The following PLD1 variants were observed in gnomAD, a reference collection of about 807,000 sequenced individuals.
PLD1 encodes the protein phospholipase D1.
PLD1 carries 112 observed loss-of-function variants against 137.1 expected under a neutral mutation model. That is an observed-to-expected ratio of 0.82 (90% confidence interval 0.70 to 0.96). The LOEUF (loss-of-function observed/expected upper bound fraction) is 0.96. PLD1 is among the 40% of genes least tolerant of loss of function. The probability of loss-of-function intolerance (pLI) is 0.00; values close to 1 mark genes in which losing one functional copy is unlikely to be tolerated. For missense variants in PLD1, 1,321 were observed against 1,342.0 expected, an observed-to-expected ratio of 0.98 and a Z score of 0.24; for synonymous variants, 431 against 454.7, an observed-to-expected ratio of 0.95 and a Z score of 0.66.
chr3:171,782,565 G>A (rs1027907536), intron 1 of PLD1, among the ~76,000 whole-genome samples: 11 of 152,282 alleles, frequency 7.2e-5, no homozygotes, highest in Middle Eastern at 3.4e-3. Context: ...GTGACAAGAC[G>A]TATGTTCAAG....
intron 16 of PLD1, among the ~76,000 whole-genome samples, chr3:171,679,463 T>C (rs1192286167): frequency 6.6e-6 from 1 of 152,202 alleles, no homozygotes; most frequent in Non-Finnish European, 1.5e-5. Context: ...CATAGCACTT[T>C]GTTAAAAGAA....
At chr3:171,775,861 AAATT>A (rs936977344) in intron 1 of PLD1, among the ~76,000 whole-genome samples, 9 of 152,078 alleles carry the variant, frequency 5.9e-5, no homozygotes, top group East Asian at 1.9e-4. Context: ...TAAACAAAAA[AAATT>A]AATTAATTAA....
At chr3:171,641,909 C>A (rs1735784261) in intron 23 of PLD1, among the ~76,000 whole-genome samples, 1 of 152,148 alleles carries the variant, frequency 6.6e-6, no homozygotes, top group South Asian at 2.1e-4. Context: ...TAAAACCTAG[C>A]CTTCTTAGTG....
At chr3:171,712,890 T>A (rs1348110123) in intron 9 of PLD1, among the ~76,000 whole-genome samples, 1 of 152,168 alleles carries the variant, frequency 6.6e-6, no homozygotes, top group South Asian at 2.1e-4. Flanking sequence ...TCATAGAATA[T>A]CATCAGGAAG....
chr3:171,748,350 A>T (rs1463139870), intron 1 of PLD1, among the ~76,000 whole-genome samples: 4 of 152,206 alleles, frequency 2.6e-5, no homozygotes, highest in Admixed American at 6.5e-5. Context: ...CTGTGGTCAG[A>T]CTTCTAAAAT....
chr3:171,636,917 G>A (rs544118233), intron 23 of PLD1, among the ~76,000 whole-genome samples: 107 of 152,230 alleles, frequency 7.0e-4, no homozygotes, highest in Middle Eastern at 3.4e-3. Context: ...CCATTTACAT[G>A]GCTGAGGAAG....
chr3:171,781,855 T>C (rs1031729119), intron 1 of PLD1, among the ~76,000 whole-genome samples: 1 of 152,062 alleles, frequency 6.6e-6, no homozygotes, highest in Non-Finnish European at 1.5e-5. Context: ...TATGCACCTA[T>C]CCTATGACCC....
At chr3:171,797,200 C>T (rs937377728) in intron 1 of PLD1, among the ~76,000 whole-genome samples, 10 of 152,132 alleles carry the variant, frequency 6.6e-5, no homozygotes, top group South Asian at 2.1e-4. Context: ...GCCAAGGCTT[C>T]GAAATCCTGC....
chr3:171,704,918 G>A (rs991054352), intron 11 of PLD1, among the ~76,000 whole-genome samples: 2 of 152,196 alleles, frequency 1.3e-5, no homozygotes, highest in African/African-American at 4.8e-5. Context: ...CTCTCATAAG[G>A]AGCGGGCAGC....
chr3:171,721,365 TG>T, intron 8 of PLD1: 1 of 152,360 alleles, frequency 6.6e-6, no homozygotes, highest in Non-Finnish European at 1.5e-5. Context: ...CTTTTTATTG[TG>T]GGCAGCTGTG....
intron 1 of PLD1, among the ~76,000 whole-genome samples, chr3:171,805,872 C>T (rs1285046498): frequency 6.6e-6 from 1 of 152,126 alleles, no homozygotes. Flanking sequence ...CTCAAACTGC[C>T]TCATCTATAA....
At chr3:171,622,678 A>G (rs1733738714) in intron 23 of PLD1, among the ~76,000 whole-genome samples, 2 of 150,832 alleles carry the variant, frequency 1.3e-5, no homozygotes, top group Admixed American at 1.3e-4. Context: ...ATGTGGGTAT[A>G]ATATTTTCAA....
chr3:171,603,001 C>T lies in PLD1; in HGVS notation c.*77G>A. 4.6e-6 allele frequency: 5 copies of T among 1,092,346 alleles called. No individual in the cohort carries two copies. The highest frequency in any genetic ancestry group is 2.4e-5 in the East Asian group (1 of 42,342). 67.7% of individuals were successfully genotyped at this position (1,092,346 alleles called of 1,614,324 possible). On this transcript the variant is annotated 3_prime_UTR_variant, in exon 27 of 27. Transcript: ENST00000351298. The stretch of plus-strand genomic sequence containing the variant: ...GAGAATGCGTCAGGCCTGGCTTTGG[C>T]TATGACATCCCCAGGAAGTCACTGT...
At chr3:171,792,405 A>G (rs746876073) in intron 1 of PLD1, 23 of 360,248 alleles carry the variant, frequency 6.4e-5, no homozygotes, top group African/African-American at 3.6e-4. Flanking sequence ...GGTGGCCCCA[A>G]ATGAGATTCT....
intron 1 of PLD1, among the ~76,000 whole-genome samples, chr3:171,785,791 A>G (rs1287158675): frequency 2.6e-5 from 4 of 152,202 alleles, no homozygotes; most frequent in African/African-American, 9.7e-5. Context: ...GCCACATTTC[A>G]ATTCTCAAAT....
At chr3:171,801,611 T>C (rs1723649592) in intron 1 of PLD1, among the ~76,000 whole-genome samples, 1 of 152,180 alleles carries the variant, frequency 6.6e-6, no homozygotes, top group South Asian at 2.1e-4. Flanking sequence ...GTATTTTTAG[T>C]AGAGATGAGG....
intron 1 of PLD1, among the ~76,000 whole-genome samples, chr3:171,750,517 G>A (rs1031232272): frequency 1.3e-5 from 2 of 152,114 alleles, no homozygotes; most frequent in Non-Finnish European, 2.9e-5. Context: ...TAAATTTGGT[G>A]AAAGAAATAA....
intron 6 of PLD1, among the ~76,000 whole-genome samples, chr3:171,728,238 C>A (rs1201431134): frequency 1.3e-5 from 2 of 152,162 alleles, no homozygotes; most frequent in Non-Finnish European, 2.9e-5. Flanking sequence ...ATCACTTGAA[C>A]CCGGGAGGCA....
At chr3:171,742,724 C>G (rs1282994516) in intron 1 of PLD1, among the ~76,000 whole-genome samples, 2 of 152,096 alleles carry the variant, frequency 1.3e-5, no homozygotes, top group African/African-American at 4.8e-5. Context: ...AACTCTATAT[C>G]TGGAACTGAC....
Sources: allele counts gnomAD v4.1 joint callset (sites outside exome capture counted in the v4.1 genomes callset), GRCh38; gene constraint gnomAD v4.1.1; transcripts MANE v1.5; gene names NCBI Gene and HGNC (gene_info 2026-07-23, HGNC 2026-07-21).